ELAVL1: variants seen among roughly 807,000 people sequenced by gnomAD.
ELAVL1 encodes the protein ELAV like RNA binding protein 1.
A neutral mutation model predicts 28.4 loss-of-function variants in ELAVL1; 1 was observed. The ratio of observed to expected loss-of-function variants is 0.04; its 90% CI spans 0.01 to 0.17. The LOEUF (loss-of-function observed/expected upper bound fraction) is 0.17. Ranked by LOEUF, ELAVL1 falls within the 10% of genes least tolerant of loss-of-function variation. The probability of loss-of-function intolerance (pLI) is 1.00; values close to 1 mark genes in which losing one functional copy is unlikely to be tolerated. For synonymous variants in ELAVL1, 174 were observed against 183.5 expected (o/e 0.95, Z 0.42); for missense variants, 157 against 447.2 (o/e 0.35, Z 5.85).
intron 3 of ELAVL1, among the ~76,000 whole-genome samples, chr19:7,976,460 G>A (rs986221816): frequency 1.3e-5 from 2 of 152,138 alleles, no homozygotes; most frequent in African/African-American, 4.8e-5. Flanking sequence ...GGCGGGAAAT[G>A]TGGATACAGG....
At chr19:7,987,418 C>A (rs1985636233) in intron 2 of ELAVL1, among the ~76,000 whole-genome samples, 2 of 152,072 alleles carry the variant, frequency 1.3e-5, no homozygotes, top group Admixed American at 6.5e-5. Context: ...AGGCAGCGGG[C>A]AGGACCACCG....
chr19:7,999,356 G>C (rs955124610), intron 1 of ELAVL1, among the ~76,000 whole-genome samples: 9 of 152,152 alleles, frequency 5.9e-5, no homozygotes, highest in African/African-American at 2.2e-4. Context: ...CTGGGCAACA[G>C]AGTGAGACTG....
At chr19:7,969,774 G>A (rs1305870326) in intron 4 of ELAVL1, among the ~76,000 whole-genome samples, 1 of 152,146 alleles carries the variant, frequency 6.6e-6, no homozygotes, top group Non-Finnish European at 1.5e-5. Context: ...ACGTGTGCAA[G>A]TGTGGCTTCC....
Position 7,980,398 on chromosome 19 carries a change from G to A in ELAVL1, c.276+685C>T, listed in dbSNP as rs926441774. Among the ~76,000 whole-genome samples, 8 of 152,330 alleles carry A rather than the reference G, an allele frequency of 5.3e-5. No homozygotes were observed. The East Asian group carries it at 1.2e-3, about 22-fold the overall frequency. ...AACCCAGGAGCCAGAAGGCAGACAC[G>A]TGGGGACGGGGGTAAGTGGGGCTCG... On this transcript the variant is annotated intron_variant, in intron 3 of 5. Coordinates refer to ENST00000407627, the MANE Select transcript of ELAVL1 (RefSeq NM_001419.3).
chr19:7,979,831 T>TG lies in ELAVL1; in HGVS notation c.276+1251dup. On this transcript the variant is annotated intron_variant, in intron 3 of 5. Transcript: ENST00000407627. This position sits in a 1 kb window ranked among gnomAD's most constrained non-coding sequence, Gnocchi z 5.4. ...TTTGGCCACTGAGTAACCAAGATCA[T>TG]GGGGCAGTCTGAAGGCAGGGACAGA... Among the ~76,000 whole-genome samples, 1 of 152,166 alleles carries TG rather than the reference T, an allele frequency of 6.6e-6. No homozygotes were observed. The highest frequency in any genetic ancestry group is 6.5e-5 in the Admixed American group (1 of 15,296).
At chr19:7,991,512 A>C (rs1443841111) in intron 2 of ELAVL1, 132 bp downstream of exon 2, 45 of 911,218 alleles carry the variant, frequency 4.9e-5, no homozygotes, top group Non-Finnish European at 6.0e-5. Flanking sequence ...ATAAAAATGA[A>C]ACTTCACAGC....
chr19:7,988,611 T>C (rs1391473213), intron 2 of ELAVL1, among the ~76,000 whole-genome samples: 1 of 152,094 alleles, frequency 6.6e-6, no homozygotes, highest in Non-Finnish European at 1.5e-5. Flanking sequence ...CACACAGCAG[T>C]GGCTCTCGCT....
chr19:8,002,392 C>G (rs990933725), intron 1 of ELAVL1, among the ~76,000 whole-genome samples: 1 of 152,090 alleles, frequency 6.6e-6, no homozygotes, highest in Admixed American at 6.5e-5. Flanking sequence ...ATGACCTACA[C>G]ACATCATGCA....
rs374017855 is a variant in ELAVL1 at position 7,979,707 on chromosome 19, C to T, written c.276+1376G>A. On this transcript the variant is annotated intron_variant, in intron 3 of 5. Transcript: ENST00000407627. The surrounding 1 kb of genome is among the most constrained non-coding windows in gnomAD (Gnocchi z 5.4). ...TGCCTCTGAGGACCTGCACTGGACA[C>T]GAGGAGGCAGGAGTGGCGCGCCTGC... Among the ~76,000 whole-genome samples, 54 of 152,264 alleles carry T rather than the reference C, an allele frequency of 3.5e-4. No homozygotes were observed. Among genetic ancestry groups the T allele is most frequent in the African/African-American group, 1.2e-3 (51 of 41,558 alleles).
intron 2 of ELAVL1, among the ~76,000 whole-genome samples, chr19:7,983,779 T>C (rs1051520304): frequency 1.3e-5 from 2 of 152,128 alleles, no homozygotes; most frequent in East Asian, 3.9e-4. Context: ...CACAGAAACA[T>C]GGTCCCTGCT....
chr19:7,995,379 T>C (rs1294840784), intron 1 of ELAVL1, among the ~76,000 whole-genome samples: 4 of 152,234 alleles, frequency 2.6e-5, no homozygotes, highest in Admixed American at 2.6e-4. Flanking sequence ...CATTCTGCTT[T>C]CATGGACGGT....
In ELAVL1 at chr19:7,960,740, A is replaced by T. The variant is rs542422643; in HGVS notation, c.*2743T>A. 1 of 152,766 alleles carries T rather than the reference A, an allele frequency of 6.5e-6. No homozygotes were observed. The highest frequency in any genetic ancestry group is 6.5e-5 in the Admixed American group (1 of 15,302). The allele number at this position is 152,766 out of a possible 1,614,324, so 9.5% of individuals were successfully genotyped here. Reference sequence around the variant, plus strand: ...TTTTTCATCGAAATTCCCAAATAAAAGCAGAGCACTCATTTTTGCTAAATA... The same window carrying T: ...TTTTTCATCGAAATTCCCAAATAAATGCAGAGCACTCATTTTTGCTAAATA... On this transcript the variant is annotated 3_prime_UTR_variant, in exon 6 of 6. Coordinates refer to ENST00000407627, the MANE Select transcript of ELAVL1 (RefSeq NM_001419.3).
rs1599660160 is a variant in ELAVL1, at chr19:7,959,412, A to T, written c.*4071T>A. 6.6e-6 allele frequency: 1 copy of T among 152,520 alleles called. No homozygotes were observed. The highest frequency in any genetic ancestry group is 6.5e-5 in the Admixed American group (1 of 15,270). 9.4% of individuals were successfully genotyped at this position (152,520 alleles called of 1,614,324 possible). ...CCCAAAGCAAGTCACTGTAAACGGAACATCACATGGTCATGGTCAAAGAGG... is the reference window on the plus strand; with the variant it reads ...CCCAAAGCAAGTCACTGTAAACGGATCATCACATGGTCATGGTCAAAGAGG... On this transcript the variant is annotated 3_prime_UTR_variant, in exon 6 of 6. Transcript: ENST00000407627.
chr19:7,965,503 C>T (rs531614795), intron 5 of ELAVL1, among the ~76,000 whole-genome samples: 118 of 152,266 alleles, frequency 7.7e-4, no homozygotes, highest in Middle Eastern at 3.4e-3. Context: ...CTTTTCTGGA[C>T]GTGATAGGGA....
Position 7,986,314 on chromosome 19 carries a change from T to G in ELAVL1, c.173-5128A>C, listed in dbSNP as rs114886380. ...AGAGACAGAGACTGGAGGTGGAGAC[T>G]GAATTAATTCAGCAATAAATAAGAA... On this transcript the variant is annotated intron_variant, in intron 2 of 5. Coordinates refer to ENST00000407627, the MANE Select transcript of ELAVL1 (RefSeq NM_001419.3). Among the ~76,000 whole-genome samples the G allele has an allele frequency of 5.0e-3, 754 of 152,260 alleles. 9 individuals are homozygous for G. The highest frequency in any genetic ancestry group is 0.017 in the African/African-American group (717 of 41,546).
chr19:8,003,355 C>CAAAAAAAAAAAAAA (rs71165248), intron 1 of ELAVL1, among the ~76,000 whole-genome samples: 4 of 61,088 alleles, frequency 6.5e-5, no homozygotes, highest in Non-Finnish European at 8.1e-5. Flanking sequence ...GAAACTGTCT[C>CAAAAAAAAAAAAAA]AAAAAAAAAA....
rs1985463936 is a variant in ELAVL1, at chr19:7,981,526, T to C, written c.173-340A>G. ...GCCCGCTCCAGCAGGCCCAAGCTAA[T>C]TGTTAAAATTATTTTTAGAGATGGG... On this transcript the variant is annotated intron_variant, in intron 2 of 5. Transcript: ENST00000407627. This position sits in a 1 kb window ranked among gnomAD's most constrained non-coding sequence, Gnocchi z 4.2. 1.3e-5 allele frequency among the ~76,000 whole-genome samples: 2 copies of C among 151,780 alleles called. No homozygotes were observed. Among genetic ancestry groups the C allele is most frequent in the South Asian group, 2.1e-4 (1 of 4,790 alleles).
chr19:8,004,964 G>A (rs1463276410), intron 1 of ELAVL1, among the ~76,000 whole-genome samples: 1 of 152,098 alleles, frequency 6.6e-6, no homozygotes, highest in African/African-American at 2.4e-5. Context: ...CTCAAAAAAA[G>A]ATGCAGTTTA....
Position 7,962,820 on chromosome 19 carries a change from GGT to G in ELAVL1, c.*661_*662del, listed in dbSNP as rs1207756819. 5 of 152,726 alleles carry G rather than the reference GGT, an allele frequency of 3.3e-5. No homozygotes were observed. Among genetic ancestry groups the G allele is most frequent in the Admixed American group, 3.3e-4 (5 of 15,288 alleles). The allele number at this position is 152,726 out of a possible 1,614,324, so 9.5% of individuals were successfully genotyped here. A position where few individuals can be genotyped will look rare whatever the true frequency, so the allele number is the denominator to read the frequency against. ...TGAAACTCTTTGGTCCATTCCCATT[GGT>G]GCCTGGGCTTACGAAACACGTTTGT... On this transcript the variant is annotated 3_prime_UTR_variant, in exon 6 of 6. Transcript: ENST00000407627.
Sources: gnomAD v4.1 joint callset for allele counts (sites outside exome capture counted in the v4.1 genomes callset) on GRCh38, gnomAD v4.1.1 for gene constraint, Gnocchi (gnomAD v3.1) non-coding constraint, MANE v1.5 for transcripts, NCBI Gene and HGNC (gene_info 2026-07-23, HGNC 2026-07-21) for gene names.